The following HMSD variants were observed in gnomAD, a reference collection of about 807,000 sequenced individuals.
The protein encoded by HMSD is histocompatibility minor serpin domain containing.
In HMSD, 13 loss-of-function variants were observed where a neutral mutation model predicts 10.0. The ratio of observed to expected loss-of-function variants is 1.31; its 90% CI spans 0.85 to 2.08. The LOEUF is 2.08. Ranked by LOEUF, HMSD falls within the 30% of genes most tolerant of loss-of-function variation. The probability of loss-of-function intolerance (pLI) is 0.00; values close to 1 mark genes in which losing one functional copy is unlikely to be tolerated. For synonymous variants in HMSD, 51 were observed against 54.2 expected, an observed-to-expected ratio of 0.94 and a Z score of 0.26; for missense variants, 169 against 166.3, an observed-to-expected ratio of 1.02 and a Z score of -0.09.
chr18:63,963,116 TC>T (rs1251042670), downstream of HMSD, among the ~76,000 whole-genome samples: 88 of 132,752 alleles, frequency 6.6e-4, 1 homozygote, highest in African/African-American at 1.2e-3. Context: ...TTTCTTTCTT[TC>T]TTTCTTTCTT....
chr18:63,963,103 T>TTTCTTTCTCTTTC (rs1568261324), downstream of HMSD, among the ~76,000 whole-genome samples: 49 of 135,094 alleles, frequency 3.6e-4, no homozygotes, highest in African/African-American at 1.5e-3. Context: ...CTTTCTTTCT[T>TTTCTTTCTCTTTC]TCTTTCTTTC....
At position 63,960,170 on chromosome 18, in the gene HMSD, T is replaced by C; in HGVS notation, c.235T>C (p.Ser79Pro). 1 of 1,611,802 alleles carries C rather than the reference T, an allele frequency of 6.2e-7. No individual in the cohort carries two copies. Among genetic ancestry groups the C allele is most frequent in the Non-Finnish European group, 8.5e-7 (1 of 1,179,426 alleles). Residue 79 changes from serine (S) to proline (P), a missense_variant, in exon 4 of 4, where the codon TCC becomes CCC. Coordinates refer to ENST00000408945, the MANE Select transcript of HMSD (RefSeq NM_001123366.2). Reference sequence around the variant, plus strand: ...TGGTTTTTCCTAGGGTTTTACAGATTCCTGTGGCAAATTCTACCAAGCAAC... The same window carrying C: ...TGGTTTTTCCTAGGGTTTTACAGATCCCTGTGGCAAATTCTACCAAGCAAC... The part of the protein sequence containing the change: ...SYDFLTGFTD[S>P]CGKFYQATIK...
downstream of HMSD, among the ~76,000 whole-genome samples, chr18:63,963,165 T>C: frequency 6.7e-6 from 1 of 148,674 alleles, no homozygotes; most frequent in South Asian, 2.1e-4. Flanking sequence ...TCTTTCTTTC[T>C]CTCTCTCTCC....
chr18:63,965,959 C>T (rs1040075135), downstream of HMSD, among the ~76,000 whole-genome samples: 1 of 152,074 alleles, frequency 6.6e-6, no homozygotes, highest in African/African-American at 2.4e-5. Context: ...CAGGCACATG[C>T]GAAGAGGGAC....
At chr18:63,950,716 AG>A (rs33916051) in intron 1 of HMSD, among the ~76,000 whole-genome samples, 3,350 of 146,792 alleles carry the variant, frequency 0.023, 137 homozygotes, top group African/African-American at 0.086. Context: ...GGCAAAAAAA[AG>A]AAAAAAGCAA....
chr18:63,951,055 C>T (rs1366863736), intron 1 of HMSD, among the ~76,000 whole-genome samples: 2 of 152,158 alleles, frequency 1.3e-5, no homozygotes, highest in Admixed American at 1.3e-4. Flanking sequence ...CACTGTTGTA[C>T]AGTTGTATTT....
At position 63,961,793 on chromosome 18, in the gene HMSD, C is replaced by T. The variant is rs2144764590; in HGVS notation, c.*1438C>T. 1 of 152,420 alleles carries T rather than the reference C, an allele frequency of 6.6e-6. No homozygotes were observed. The highest frequency in any genetic ancestry group is 1.9e-4 in the East Asian group (1 of 5,186). The allele number at this position is 152,420 out of a possible 1,614,324, so 9.4% of individuals were successfully genotyped here. Reference sequence around the variant, plus strand: ...CCCCGCATGGCATGTGGTGACCTCCCTCCCTGTGAGCAGTTGTGACTAATA... The same window carrying T: ...CCCCGCATGGCATGTGGTGACCTCCTTCCCTGTGAGCAGTTGTGACTAATA... On this transcript the variant is annotated 3_prime_UTR_variant, in exon 4 of 4. Coordinates refer to ENST00000408945, the MANE Select transcript of HMSD (RefSeq NM_001123366.2).
Position 63,954,426 on chromosome 18 carries a change from A to G in HMSD, c.91A>G (p.Ile31Val), listed in dbSNP as rs746229587. 6 of 1,612,674 alleles carry G rather than the reference A, an allele frequency of 3.7e-6. No homozygotes were observed. The highest frequency in any genetic ancestry group is 5.1e-6 in the Non-Finnish European group (6 of 1,179,120). Residue 31 changes from isoleucine to valine, a missense_variant, in exon 3 of 4, where the codon ATC (isoleucine) becomes GTC (valine). By Grantham distance (29) the Ile-to-Val change is conservative (BLOSUM62 3). Transcript: ENST00000408945. ...TTTTCAGGCACTTTGTTTTAGTAAA[A>G]TCGGAGGTGAAGATGGAGATATTCA... is the stretch of plus-strand genomic sequence containing the variant. ...QMSQALCFSKIGGEDGDIHRG... is the reference protein window; with the variant it reads ...QMSQALCFSKVGGEDGDIHRG...
rs761331023 is a variant in HMSD, at chr18:63,960,389, A to G, written c.*34A>G. The G allele has an allele frequency of 1.3e-4, 200 of 1,536,028 alleles. No homozygotes were observed. Among genetic ancestry groups the G allele is most frequent in the Non-Finnish European group, 1.6e-4 (189 of 1,146,490 alleles). On this transcript the variant is annotated 3_prime_UTR_variant, in exon 4 of 4. Transcript: ENST00000408945. ...CCTTTTTTCTCTAAACAACTATGCAAACATTAAAACCTTTCTTTGGAAATA... is the reference window on the plus strand; with the variant it reads ...CCTTTTTTCTCTAAACAACTATGCAGACATTAAAACCTTTCTTTGGAAATA...
At chr18:63,958,563 C>G (rs567092535) in intron 3 of HMSD, among the ~76,000 whole-genome samples, 1 of 152,206 alleles carries the variant, frequency 6.6e-6, no homozygotes, top group South Asian at 2.1e-4. Context: ...GTGTAGGTTT[C>G]TGTTAAGATC....
chr18:63,953,422 G>A lies in HMSD; in HGVS notation c.-34G>A. On this transcript the variant is annotated 5_prime_UTR_variant, in exon 2 of 4. Coordinates refer to ENST00000408945, the MANE Select transcript of HMSD (RefSeq NM_001123366.2). ...GCATTAAACCTTTTGAAAAAGCTAG[G>A]GGAAAACAACTCAAACAACTTATTT... is the stretch of plus-strand genomic sequence containing the variant. The A allele has an allele frequency of 6.3e-7, 1 of 1,578,566 alleles. No individual in the cohort carries two copies. Among genetic ancestry groups the A allele is most frequent in the South Asian group, 1.1e-5 (1 of 89,450 alleles).
chr18:63,955,375 G>C (rs2050352716), intron 3 of HMSD, among the ~76,000 whole-genome samples: 1 of 152,106 alleles, frequency 6.6e-6, no homozygotes, highest in South Asian at 2.1e-4. Flanking sequence ...GCATTGACGA[G>C]TATTTAAGCT....
chr18:63,958,891 G>T (rs2050372564), intron 3 of HMSD, among the ~76,000 whole-genome samples: 2 of 152,060 alleles, frequency 1.3e-5, no homozygotes, highest in South Asian at 4.2e-4. Context: ...ATAGTCTGTT[G>T]TTCTAAAATG....
intron 3 of HMSD, chr18:63,968,136 G>A (rs1290433461): frequency 6.6e-6 from 1 of 152,172 alleles, no homozygotes; most frequent in Non-Finnish European, 1.5e-5. Context: ...ATTCCTCAAG[G>A]CCATGTCCTC....
At chr18:63,955,673 A>G (rs1011485908) in intron 3 of HMSD, among the ~76,000 whole-genome samples, 1 of 152,140 alleles carries the variant, frequency 6.6e-6, no homozygotes. Context: ...GGAGCTCCTG[A>G]TGCTGGCGTC....
intron 3 of HMSD, among the ~76,000 whole-genome samples, chr18:63,956,754 AT>A (rs754641324): frequency 2.6e-5 from 4 of 152,236 alleles, no homozygotes; most frequent in Non-Finnish European, 4.4e-5. Context: ...AATAGAAATC[AT>A]TCTACCATAA....
chr18:63,965,817 G>A (rs969640896), downstream of HMSD, among the ~76,000 whole-genome samples: 1 of 152,156 alleles, frequency 6.6e-6, no homozygotes, highest in Admixed American at 6.5e-5. Flanking sequence ...CAAGAGGTAT[G>A]GCACTGGCAT....
At chr18:63,951,738 G>A (rs539273143) in intron 1 of HMSD, among the ~76,000 whole-genome samples, 28 of 152,088 alleles carry the variant, frequency 1.8e-4, no homozygotes, top group East Asian at 5.8e-4. Context: ...AGTGAAGTAC[G>A]GTAAGTGATA....
chr18:63,963,104 T>A (rs977200372), downstream of HMSD, among the ~76,000 whole-genome samples: 1 of 134,862 alleles, frequency 7.4e-6, no homozygotes, highest in Non-Finnish European at 1.6e-5. Context: ...TTTCTTTCTT[T>A]CTTTCTTTCT....
Sources: allele counts gnomAD v4.1 joint callset (sites outside exome capture counted in the v4.1 genomes callset), GRCh38; gene constraint gnomAD v4.1.1; transcripts MANE v1.5; gene names NCBI Gene and HGNC (gene_info 2026-07-23, HGNC 2026-07-21).